The following ATXN10 variants were observed in gnomAD, a reference collection of about 807,000 sequenced individuals.
ATXN10 encodes the protein ataxin 10, also known as ataxin-10.
In ATXN10, 28 loss-of-function variants were observed where a neutral mutation model predicts 52.9. The observed-to-expected ratio is 0.53, with a 90% CI of 0.39 to 0.73. The LOEUF is 0.73. Ranked by LOEUF, ATXN10 falls within the 30% of genes least tolerant of loss-of-function variation. The pLI is 0.00. For missense variants in ATXN10, 565 were observed against 577.0 expected, an observed-to-expected ratio of 0.98 and a Z score of 0.21; for synonymous variants, 226 against 221.5, an observed-to-expected ratio of 1.02 and a Z score of -0.18.
At chr22:45,798,795 A>G (rs1927834674) in intron 9 of ATXN10, among the ~76,000 whole-genome samples, 1 of 152,244 alleles carries the variant, frequency 6.6e-6, no homozygotes, top group South Asian at 2.1e-4. Context: ...GTGAATTTTG[A>G]ATGGTTACAA....
chr22:45,779,514 A>T (rs1927073014), intron 9 of ATXN10, among the ~76,000 whole-genome samples: 1 of 152,114 alleles, frequency 6.6e-6, no homozygotes, highest in South Asian at 2.1e-4. Context: ...GCGAGACTAG[A>T]CTTGCTGTTG....
chr22:45,679,752 A>G (rs1172508242), intron 1 of ATXN10: 1 of 152,136 alleles, frequency 6.6e-6, no homozygotes, highest in African/African-American at 2.4e-5. Context: ...TGTGCTGGCA[A>G]TTTCCTTTAT....
chr22:45,794,420 G>T (rs1927635688), intron 9 of ATXN10, among the ~76,000 whole-genome samples: 1 of 146,920 alleles, frequency 6.8e-6, no homozygotes, highest in African/African-American at 2.5e-5. Context: ...TCTAAAACCT[G>T]TTTCTCCCTT....
chr22:45,797,442 T>A (rs1422254661), intron 9 of ATXN10, among the ~76,000 whole-genome samples: 1 of 152,222 alleles, frequency 6.6e-6, no homozygotes, highest in Non-Finnish European at 1.5e-5. Context: ...AATTAAACAG[T>A]ACACTTCTAA....
At chr22:45,743,016 C>G (rs927944498) in intron 9 of ATXN10, among the ~76,000 whole-genome samples, 1 of 152,146 alleles carries the variant, frequency 6.6e-6, no homozygotes, top group Non-Finnish European at 1.5e-5. Flanking sequence ...ATGCAGTAAC[C>G]CTTAAAAGGC....
intron 5 of ATXN10, among the ~76,000 whole-genome samples, chr22:45,710,688 C>T (rs1448065205): frequency 6.6e-6 from 1 of 152,192 alleles, no homozygotes; most frequent in Non-Finnish European, 1.5e-5. Context: ...TTTATTGGAA[C>T]ACAGCCAAGC....
Position 45,708,701 on chromosome 22 carries a change from G to A in ATXN10, c.647+5854G>A, listed in dbSNP as rs1464022770. ...GTTGCCCAGGCTGGAGTGCAGTGGT[G>A]TGATCTTGACTCACTGCAACCTCTG... On this transcript the variant is annotated intron_variant, in intron 5 of 11. Coordinates refer to ENST00000252934, the MANE Select transcript of ATXN10 (RefSeq NM_013236.4). The surrounding 1 kb of genome is among the most constrained non-coding windows in gnomAD (Gnocchi z 5.3). 1.3e-5 allele frequency among the ~76,000 whole-genome samples: 2 copies of A among 152,164 alleles called. No homozygotes were observed. The highest frequency in any genetic ancestry group is 1.9e-4 in the East Asian group (1 of 5,188).
At chr22:45,730,344 CAAAA>C (rs138162) in intron 7 of ATXN10, among the ~76,000 whole-genome samples, 35 of 77,176 alleles carry the variant, frequency 4.5e-4, no homozygotes, top group African/African-American at 1.0e-3. Flanking sequence ...ACCCTTGTCT[CAAAA>C]AAAAAAAAAA....
Position 45,740,539 on chromosome 22 carries a change from G to A in ATXN10, c.1173+1G>A. 2 of 1,613,314 alleles carry A rather than the reference G, an allele frequency of 1.2e-6. No individual in the cohort carries two copies. The highest frequency in any genetic ancestry group is 1.7e-6 in the Non-Finnish European group (2 of 1,179,444). ...CAAGAATAAAGATAACCAAGACAAG[G>A]TAAGAGGATTTCTTAGTATGTATTA... On this transcript the variant is annotated splice_donor_variant, in intron 9 of 11. Transcript: ENST00000252934. LOFTEE classifies it high-confidence loss of function.
intron 10 of ATXN10, among the ~76,000 whole-genome samples, chr22:45,830,353 A>C (rs1000524649): frequency 6.6e-6 from 1 of 152,268 alleles, no homozygotes; most frequent in Non-Finnish European, 1.5e-5. Context: ...AAATTGGACT[A>C]CATGAAAATT....
At chr22:45,691,170 C>CT (rs1464735875) in intron 2 of ATXN10, among the ~76,000 whole-genome samples, 1 of 152,150 alleles carries the variant, frequency 6.6e-6, no homozygotes, top group Non-Finnish European at 1.5e-5. Context: ...TAAAACATAA[C>CT]TAGTTATATG....
intron 9 of ATXN10, among the ~76,000 whole-genome samples, chr22:45,767,367 A>G (rs1926619098): frequency 6.6e-6 from 1 of 152,076 alleles, no homozygotes; most frequent in Admixed American, 6.5e-5. Flanking sequence ...TTTATGTAAT[A>G]CAGAGGGAGA....
intron 9 of ATXN10, among the ~76,000 whole-genome samples, chr22:45,798,285 A>C (rs1646915317): frequency 6.6e-6 from 1 of 152,250 alleles, no homozygotes; most frequent in African/African-American, 2.4e-5. Flanking sequence ...TTTTCAAAAT[A>C]TCAGCAAAGT....
chr22:45,767,814 A>G (rs554507610), intron 9 of ATXN10, among the ~76,000 whole-genome samples: 1 of 152,344 alleles, frequency 6.6e-6, no homozygotes, highest in South Asian at 2.1e-4. Context: ...AGTGGGGTAT[A>G]GCCTAGGAAC....
intron 9 of ATXN10, among the ~76,000 whole-genome samples, chr22:45,746,330 T>C (rs1339791651): frequency 6.6e-6 from 1 of 151,250 alleles, no homozygotes; most frequent in Non-Finnish European, 1.5e-5. Flanking sequence ...TATTTCCTCC[T>C]GTCTGAAATG....
In ATXN10 at chr22:45,702,727, A is replaced by G. The variant is rs1923886976; in HGVS notation, c.527A>G (p.Tyr176Cys). The stretch of plus-strand genomic sequence containing the variant: ...CATCCGGACAAAAAAATTGTTGCCT[A>G]CTCTTCAATGATTTTGTTTACATCC... ...LNHPDKKIVA[Y>C]SSMILFTSLN... Residue 176 changes from tyrosine to cysteine, a missense_variant, in exon 5 of 12, where the codon TAC (tyrosine) becomes TGC (cysteine). Coordinates refer to ENST00000252934, the MANE Select transcript of ATXN10 (RefSeq NM_013236.4). The G allele has an allele frequency of 1.2e-6, 2 of 1,613,956 alleles. No individual in the cohort carries two copies. Among genetic ancestry groups the G allele is most frequent in the African/African-American group, 1.3e-5 (1 of 75,026 alleles).
At position 45,843,572 on chromosome 22, in the gene ATXN10, C is replaced by A; in HGVS notation, c.1426-97C>A. On this transcript the variant is annotated intron_variant, in intron 11 of 11. Coordinates refer to ENST00000252934, the MANE Select transcript of ATXN10 (RefSeq NM_013236.4). The surrounding 1 kb of genome is among the most constrained non-coding windows in gnomAD (Gnocchi z 4.5). ...TTAGGTTTCTCTAAGTTATTTGTCA[C>A]CACTGACCAAAGTTCTGGGTTTTTT... is the stretch of plus-strand genomic sequence containing the variant. The A allele has an allele frequency of 2.6e-6, 3 of 1,140,542 alleles. No homozygotes were observed. The highest frequency in any genetic ancestry group is 3.9e-6 in the Non-Finnish European group (3 of 760,656). 70.7% of individuals were successfully genotyped at this position (1,140,542 alleles called of 1,614,324 possible). A position where few individuals can be genotyped will look rare whatever the true frequency, so the allele number is the denominator to read the frequency against.
chr22:45,818,964 C>T lies in ATXN10; in HGVS notation c.1237+11942C>T, dbSNP rs1240281127. Reference sequence around the variant, plus strand: ...GGCTTCTTTGCATGCCTAAAACTTGCGTAGTCTGACACGTAGGGAAAACAT... The same window carrying T: ...GGCTTCTTTGCATGCCTAAAACTTGTGTAGTCTGACACGTAGGGAAAACAT... On this transcript the variant is annotated intron_variant, in intron 10 of 11. Coordinates refer to ENST00000252934, the MANE Select transcript of ATXN10 (RefSeq NM_013236.4). This position sits in a 1 kb window ranked among gnomAD's most constrained non-coding sequence, Gnocchi z 4.6. Among the ~76,000 whole-genome samples, 1 of 152,086 alleles carries T rather than the reference C, an allele frequency of 6.6e-6. No homozygotes were observed. Among genetic ancestry groups the T allele is most frequent in the East Asian group, 1.9e-4 (1 of 5,180 alleles).
intron 9 of ATXN10, among the ~76,000 whole-genome samples, chr22:45,746,267 T>C (rs1925721928): frequency 6.6e-6 from 1 of 150,790 alleles, no homozygotes; most frequent in Non-Finnish European, 1.5e-5. Context: ...TTTCCACCCT[T>C]TTTGTATCTA....
Sources: gnomAD v4.1 joint callset for allele counts (sites outside exome capture counted in the v4.1 genomes callset) on GRCh38, gnomAD v4.1.1 for gene constraint, Gnocchi (gnomAD v3.1) non-coding constraint, MANE v1.5 for transcripts, NCBI Gene and HGNC (gene_info 2026-07-23, HGNC 2026-07-21) for gene names.